Variants in SORBS2 observed in about 807,000 individuals in gnomAD.
SORBS2 encodes sorbin and SH3 domain containing 2, also known as sorbin and SH3 domain-containing protein 2.
SORBS2 carries 46 observed loss-of-function variants against 97.7 expected under a neutral mutation model. The ratio of observed to expected loss-of-function variants is 0.47; its 90% confidence interval spans 0.37 to 0.60. The LOEUF (loss-of-function observed/expected upper bound fraction) is 0.60. Ranked by LOEUF, SORBS2 falls within the 20% of genes least tolerant of loss-of-function variation. The pLI is 0.00. For missense variants in SORBS2, 1,316 were observed against 1,282.3 expected, an observed-to-expected ratio of 1.03 and a Z score of -0.40; for synonymous variants, 476 against 473.4, an observed-to-expected ratio of 1.01 and a Z score of -0.07.
At chr4:185,690,062 T>G (rs967695153) in intron 2 of SORBS2, among the ~76,000 whole-genome samples, 2 of 152,008 alleles carry the variant, frequency 1.3e-5, no homozygotes, top group African/African-American at 4.8e-5. Flanking sequence ...TATTTGGAGA[T>G]ACTACTCTCA....
chr4:185,724,092 T>C (rs1280644810), intron 2 of SORBS2, among the ~76,000 whole-genome samples: 1 of 152,216 alleles, frequency 6.6e-6, no homozygotes, highest in Non-Finnish European at 1.5e-5. Flanking sequence ...GTCTAATAAA[T>C]TAGCCTTTCG....
intron 1 of SORBS2, among the ~76,000 whole-genome samples, chr4:185,878,604 G>A (rs1315932796): frequency 6.6e-6 from 1 of 152,128 alleles, no homozygotes; most frequent in Non-Finnish European, 1.5e-5. Flanking sequence ...CCAATGCCAA[G>A]CCTCCACTCA....
intron 2 of SORBS2, among the ~76,000 whole-genome samples, chr4:185,757,633 C>T (rs1054166706): frequency 6.1e-5 from 9 of 146,976 alleles, no homozygotes; most frequent in Non-Finnish European, 1.4e-4. Flanking sequence ...GAAATTAAAT[C>T]ACTGTCTCAA....
At chr4:185,855,637 T>A (rs2099220288) in intron 1 of SORBS2, among the ~76,000 whole-genome samples, 1 of 152,194 alleles carries the variant, frequency 6.6e-6, no homozygotes, top group Non-Finnish European at 1.5e-5. Context: ...TCTATTTATC[T>A]TTGGTAAATA....
At chr4:185,738,710 G>A (rs2098703925) in intron 2 of SORBS2, among the ~76,000 whole-genome samples, 1 of 152,048 alleles carries the variant, frequency 6.6e-6, no homozygotes, top group Non-Finnish European at 1.5e-5. Flanking sequence ...TCCCCAAGTG[G>A]GTCTAAGGGA....
intron 1 of SORBS2, among the ~76,000 whole-genome samples, chr4:185,941,362 G>T (rs1047249309): frequency 2.1e-5 from 3 of 145,806 alleles, no homozygotes; most frequent in African/African-American, 7.4e-5. Context: ...GCATTAGAGG[G>T]CCATGAGGTT....
intron 1 of SORBS2, among the ~76,000 whole-genome samples, chr4:185,859,136 G>A (rs971337228): frequency 2.0e-5 from 3 of 152,162 alleles, no homozygotes; most frequent in African/African-American, 7.2e-5. Context: ...GGAGTCTATT[G>A]TTTGTAAGGA....
intron 4 of SORBS2, chr4:185,646,417 GTA>G (rs35114445): frequency 0.059 from 16,366 of 276,914 alleles, 263 homozygotes; most frequent in African/African-American, 0.12. Context: ...ATGTGTGTGT[GTA>G]TATATATATA....
chr4:185,883,409 A>C (rs2149783175), intron 1 of SORBS2, among the ~76,000 whole-genome samples: 1 of 152,318 alleles, frequency 6.6e-6, no homozygotes, highest in Admixed American at 6.5e-5. Flanking sequence ...TGAAACTAGA[A>C]TTCTCATAAC....
At chr4:185,656,521 G>C (rs1010787156) in intron 1 of SORBS2, 1 of 797,382 alleles carries the variant, frequency 1.3e-6, no homozygotes, top group Non-Finnish European at 2.0e-6. Flanking sequence ...CTGCATTCCA[G>C]GGGAGCAGCT....
At chr4:185,906,427 G>GT (rs2099250862) in intron 1 of SORBS2, among the ~76,000 whole-genome samples, 1 of 152,182 alleles carries the variant, frequency 6.6e-6, no homozygotes, top group African/African-American at 2.4e-5. Flanking sequence ...ATTTCTCAAA[G>GT]TTTTTTAAAT....
chr4:185,931,771 A>G (rs1314456749), intron 1 of SORBS2, among the ~76,000 whole-genome samples: 3 of 150,454 alleles, frequency 2.0e-5, no homozygotes, highest in Non-Finnish European at 2.9e-5. Context: ...AAAAATAAAG[A>G]AAAGAAAGAA....
At chr4:185,945,801 G>C (rs1399210128) in intron 1 of SORBS2, among the ~76,000 whole-genome samples, 3 of 152,158 alleles carry the variant, frequency 2.0e-5, no homozygotes, top group Admixed American at 6.5e-5. Context: ...GATGTGCCAT[G>C]TGCCCGGAAA....
At chr4:185,773,110 C>T (rs146487362) in intron 2 of SORBS2, 22 of 151,594 alleles carry the variant, frequency 1.5e-4, no homozygotes, top group Middle Eastern at 3.5e-3. Context: ...ATGGAATGAT[C>T]ACCTACCATT....
intron 1 of SORBS2, among the ~76,000 whole-genome samples, chr4:185,865,722 C>T (rs369184140): frequency 6.6e-6 from 1 of 152,124 alleles, no homozygotes; most frequent in African/African-American, 2.4e-5. Flanking sequence ...CTTTAGTCCT[C>T]GATAATGTGA....
intron 2 of SORBS2, among the ~76,000 whole-genome samples, chr4:185,726,619 T>C (rs2098556011): frequency 6.6e-6 from 1 of 150,852 alleles, no homozygotes; most frequent in African/African-American, 2.4e-5. Flanking sequence ...TATTTAGATG[T>C]ATAATATATT....
At chr4:185,593,825 C>T in intron 13 of SORBS2, 61 bp downstream of exon 25, 2 of 1,064,214 alleles carry the variant, frequency 1.9e-6, no homozygotes, top group South Asian at 1.3e-5. Context: ...CATTTTGGTA[C>T]AGTTGTCCAT....
intron 2 of SORBS2, among the ~76,000 whole-genome samples, chr4:185,766,708 G>A (rs1179201053): frequency 1.3e-5 from 2 of 152,248 alleles, no homozygotes; most frequent in South Asian, 2.1e-4. Flanking sequence ...AATTTTTTAG[G>A]TTTGCAAAAT....
At chr4:185,819,419 T>A (rs1313390053) in intron 1 of SORBS2, among the ~76,000 whole-genome samples, 7 of 152,196 alleles carry the variant, frequency 4.6e-5, no homozygotes, top group African/African-American at 1.7e-4. Context: ...AAGGAGCTTT[T>A]CCCCACCTCC....
Sources: gnomAD v4.1 joint callset for allele counts (sites outside exome capture counted in the v4.1 genomes callset) on GRCh38, gnomAD v4.1.1 for gene constraint, MANE v1.5 for transcripts, NCBI Gene and HGNC (gene_info 2026-07-23, HGNC 2026-07-21) for gene names.